Variants in KLHL13 observed in about 807,000 individuals in gnomAD.
KLHL13 encodes kelch like family member 13, also known as kelch-like protein 13.
In KLHL13, 10 loss-of-function variants were observed where a neutral mutation model predicts 37.1. The ratio of observed to expected loss-of-function variants is 0.27; its 90% CI spans 0.17 to 0.46. The LOEUF (loss-of-function observed/expected upper bound fraction) is 0.46, where lower values mean the gene tolerates loss of function less well. Among genes scored for constraint, KLHL13 ranks in the 20% least tolerant of loss-of-function variants. The pLI is 1.00. For missense variants in KLHL13, 360 were observed against 509.3 expected, an observed-to-expected ratio of 0.71 and a Z score of 2.82; for synonymous variants, 163 against 181.2, an observed-to-expected ratio of 0.90 and a Z score of 0.81.
intron 2 of KLHL13, among the ~76,000 whole-genome samples, chrX:117,924,660 C>T (rs1317693994): frequency 1.8e-5 from 2 of 111,233 alleles, no homozygotes; most frequent in Non-Finnish European, 3.8e-5. Context: ...TTGATTTAAA[C>T]TCATCATCTT....
intron 1 of KLHL13, among the ~76,000 whole-genome samples, chrX:118,095,317 G>A (rs1326134017): frequency 2.7e-5 from 3 of 110,580 alleles, no homozygotes; most frequent in African/African-American, 9.8e-5. Flanking sequence ...ATGGTAAAGG[G>A]ATCAATTCAA....
chrX:117,946,926 T>C (rs1933351233), intron 1 of KLHL13: 1 of 111,832 alleles, frequency 8.9e-6, no homozygotes, highest in Admixed American at 9.5e-5. Context: ...AAGGATGACA[T>C]CAATTCTTCT....
At chrX:117,925,660 A>C (rs909238795) in intron 2 of KLHL13, among the ~76,000 whole-genome samples, 3 of 112,183 alleles carry the variant, frequency 2.7e-5, no homozygotes, top group African/African-American at 9.7e-5. Flanking sequence ...AAGACTTTCC[A>C]TCACTGCAAT....
chrX:118,065,061 A>G (rs147120598), intron 1 of KLHL13, among the ~76,000 whole-genome samples: 136 of 111,705 alleles, frequency 1.2e-3, no homozygotes, highest in African/African-American at 4.4e-3. Context: ...TGGATCGACA[A>G]GACGTTCACT....
chrX:118,108,920 C>A (rs192725631), intron 1 of KLHL13, among the ~76,000 whole-genome samples: 1 of 111,743 alleles, frequency 8.9e-6, no homozygotes, highest in African/African-American at 3.3e-5. Context: ...GATCCTCCTG[C>A]CTAAACCTCT....
chrX:118,058,768 TC>T (rs1243674847), intron 1 of KLHL13, among the ~76,000 whole-genome samples: 14 of 111,898 alleles, frequency 1.3e-4, no homozygotes, highest in African/African-American at 4.2e-4. Flanking sequence ...AGCCAAACTA[TC>T]CCTTTTAATA....
intron 1 of KLHL13, among the ~76,000 whole-genome samples, chrX:118,048,725 C>T (rs984704919): frequency 2.7e-5 from 3 of 111,276 alleles, no homozygotes; most frequent in African/African-American, 9.8e-5. Flanking sequence ...CCAGACAGAA[C>T]AAAAATATAA....
intron 1 of KLHL13, chrX:117,946,490 C>T (rs1933325311): frequency 8.9e-6 from 1 of 111,919 alleles, no homozygotes; most frequent in Non-Finnish European, 1.9e-5. Context: ...TATTAATAAC[C>T]TTTCATCATT....
exon 6 of KLHL13, chrX:117,901,870 A>G: frequency 8.4e-7 from 1 of 1,193,483 alleles, no homozygotes; most frequent in Non-Finnish European, 1.1e-6. Flanking sequence ...CAGTTCCAGC[A>G]TGGCCATAGT....
At chrX:117,928,129 G>T (rs1437225165) in intron 2 of KLHL13, among the ~76,000 whole-genome samples, 4 of 111,992 alleles carry the variant, frequency 3.6e-5, no homozygotes, top group Non-Finnish European at 5.6e-5. Flanking sequence ...ATAAAGGTCA[G>T]TTTACCAAGA....
chrX:118,031,420 A>AATATATATATATATATATATTTAGAT (rs1038220299), intron 1 of KLHL13, among the ~76,000 whole-genome samples: 3 of 73,466 alleles, frequency 4.1e-5, no homozygotes, highest in African/African-American at 6.5e-5. Context: ...TTAGCCAGGG[A>AATATATATATATATATATATTTAGAT]ATATATATAG....
At chrX:118,107,714 C>T (rs1461024689) in intron 1 of KLHL13, among the ~76,000 whole-genome samples, 2 of 111,208 alleles carry the variant, frequency 1.8e-5, no homozygotes, top group Non-Finnish European at 3.8e-5. Context: ...GCCTATGATT[C>T]CAGGGTTCAA....
In KLHL13 at chrX:118,084,886, G is replaced by A. The variant is rs966835250; in HGVS notation, c.-56+31622C>T. On this transcript the variant is annotated intron_variant, in intron 1 of 6. Coordinates refer to the KLHL13 transcript ENST00000371882. ...ACAAAAATAGAAAAATTAGCCAGGCGTGGTGGCATGTGGTGCGGTCCCAGC... is the reference window on the plus strand; with the variant it reads ...ACAAAAATAGAAAAATTAGCCAGGCATGGTGGCATGTGGTGCGGTCCCAGC... Among the ~76,000 whole-genome samples the A allele has an allele frequency of 7.3e-5, 8 of 109,911 alleles. No individual in the cohort carries two copies. The East Asian group carries it at 1.4e-3, about 20-fold the overall frequency.
chrX:118,032,106 C>CG (rs202052483), intron 1 of KLHL13, among the ~76,000 whole-genome samples: 8 of 111,514 alleles, frequency 7.2e-5, no homozygotes, highest in African/African-American at 2.6e-4. Flanking sequence ...CACGGAGTCT[C>CG]CTGATTGCTT....
chrX:118,026,396 C>G (rs1220620251), intron 1 of KLHL13, among the ~76,000 whole-genome samples: 1 of 111,246 alleles, frequency 9.0e-6, no homozygotes, highest in African/African-American at 3.3e-5. Flanking sequence ...GTTATAAATG[C>G]CTGAACAGGA....
rs756490248 is a variant in KLHL13, at chrX:117,943,521, G to A, written c.240+1913C>T. Among the ~76,000 whole-genome samples, 6 of 108,968 alleles carry A rather than the reference G, an allele frequency of 5.5e-5. No homozygotes were observed. The East Asian group carries it at 8.8e-4, about 16-fold the overall frequency. The allele number at this position is 108,968 out of a possible 115,157, so 94.6% of individuals were successfully genotyped here. ...CCCATATTTCTTGGAGGCTTTGTTC[G>A]TTTCTTTTCATTCTTTTTTCTTTGA... On this transcript the variant is annotated intron_variant, in intron 2 of 6. Transcript: ENST00000262820.
chrX:117,972,552 A>G (rs2053541798), intron 1 of KLHL13, among the ~76,000 whole-genome samples: 1 of 113,081 alleles, frequency 8.8e-6, no homozygotes, highest in Admixed American at 9.3e-5. Flanking sequence ...TAAACTTTAG[A>G]AAAACAAAAC....
intron 2 of KLHL13, among the ~76,000 whole-genome samples, chrX:117,944,514 TA>T (rs1472651268): frequency 5.4e-5 from 6 of 111,795 alleles, no homozygotes; most frequent in Non-Finnish European, 1.1e-4. Context: ...ACAGCAAGTA[TA>T]AACCTTGTCC....
intron 2 of KLHL13, among the ~76,000 whole-genome samples, chrX:117,923,332 CATA>C (rs1342254539): frequency 8.9e-6 from 1 of 111,750 alleles, no homozygotes; most frequent in Admixed American, 9.5e-5. Context: ...TGGGCATTGG[CATA>C]AAAAAGAGAT....
Sources: allele counts gnomAD v4.1 joint callset (sites outside exome capture counted in the v4.1 genomes callset), GRCh38; gene constraint gnomAD v4.1.1; transcripts MANE v1.5; gene names NCBI Gene and HGNC (gene_info 2026-07-23, HGNC 2026-07-21).